Variants in PALLD observed in about 807,000 individuals in gnomAD.
The protein encoded by PALLD is palladin.
In PALLD, 61 loss-of-function variants were observed where a neutral mutation model predicts 123.5. The observed-to-expected ratio is 0.49, with a 90% CI of 0.40 to 0.61. PALLD has a LOEUF of 0.61. Ranked by LOEUF, PALLD falls within the 20% of genes least tolerant of loss-of-function variation. The pLI is 0.00. For missense variants in PALLD, 1,273 were observed against 1,377.0 expected (o/e 0.92, Z 1.20); for synonymous variants, 465 against 496.4 (o/e 0.94, Z 0.84).
rs10700974 is a variant in PALLD, at chr4:168,600,034, C to T, written c.909-68156C>T. On this transcript the variant is annotated intron_variant, in intron 2 of 21. Transcript: ENST00000505667. ...ACATACATGTGTGTACACACACATA[C>T]ATACATGTGTATACACACATATATA... Among the ~76,000 whole-genome samples, 14 of 147,694 alleles carry T rather than the reference C, an allele frequency of 9.5e-5. No homozygotes were observed. In the South Asian group the frequency reaches 2.8e-3, roughly 30 times the overall value.
intron 2 of PALLD, among the ~76,000 whole-genome samples, chr4:168,557,169 G>A (rs1203981085): frequency 2.0e-5 from 3 of 152,020 alleles, no homozygotes; most frequent in South Asian, 2.1e-4. Context: ...TCAGCCTCCC[G>A]AGTAGCTGGG....
intron 2 of PALLD, among the ~76,000 whole-genome samples, chr4:168,552,279 A>T (rs915804439): frequency 1.3e-5 from 2 of 152,138 alleles, no homozygotes; most frequent in Non-Finnish European, 2.9e-5. Flanking sequence ...ACGTGGGGTG[A>T]GGGGAGGGCA....
intron 2 of PALLD, among the ~76,000 whole-genome samples, chr4:168,555,960 T>C (rs1767241114): frequency 6.6e-6 from 1 of 152,228 alleles, no homozygotes; most frequent in South Asian, 2.1e-4. Context: ...TAAATCTTCA[T>C]TTCCTCATTT....
intron 10 of PALLD, among the ~76,000 whole-genome samples, chr4:168,792,097 T>A (rs1459568540): frequency 3.3e-5 from 5 of 152,140 alleles, no homozygotes; most frequent in African/African-American, 1.2e-4. Context: ...AGCTACAATT[T>A]TGTGTAGGAT....
chr4:168,547,840 G>C (rs1032524032), intron 2 of PALLD, among the ~76,000 whole-genome samples: 1 of 151,734 alleles, frequency 6.6e-6, no homozygotes, highest in Non-Finnish European at 1.5e-5. Flanking sequence ...CAGCTACCCA[G>C]GAGGCTGAGG....
rs1369130490 is a variant in PALLD, at chr4:168,844,667, T to C, written c.1965-46255T>C. ...AGTTGTGCAACAGGAGATTGGACTC[T>C]GGCATCCCACAGCGTATCTTCCCTG... On this transcript the variant is annotated intron_variant, in intron 10 of 21. Coordinates refer to ENST00000505667, the MANE Select transcript of PALLD (RefSeq NM_001166108.2). This position sits in a 1 kb window ranked among gnomAD's most constrained non-coding sequence, Gnocchi z 4.5. 2 of 152,226 alleles carry C rather than the reference T, an allele frequency of 1.3e-5. No homozygotes were observed. The highest frequency in any genetic ancestry group is 2.9e-5 in the Non-Finnish European group (2 of 68,030). The allele number at this position is 152,226 out of a possible 1,614,324, so 9.4% of individuals were successfully genotyped here.
In PALLD at chr4:168,925,055, G is replaced by A. The variant is rs754236496; in HGVS notation, c.3335G>A (p.Cys1112Tyr). The A allele has an allele frequency of 2.5e-6, 4 of 1,614,054 alleles. No individual in the cohort carries two copies. The South Asian group carries it at 3.3e-5, about 13-fold the overall frequency. The change falls in exon 20 of 22, where the codon TGT becomes TAT. Residue 1112 changes from cysteine (C) to tyrosine (Y), a missense_variant. Transcript: ENST00000505667. ...AAGAATGAAGCAGGGATTGTGTCCT[G>A]TACTGCCAGGCTGGACGTTTACAGT... ...SAKNEAGIVS[C>Y]TARLDVYISR... is the part of the protein sequence containing the mutation.
At chr4:168,864,826 T>C (rs1413266222) in intron 10 of PALLD, among the ~76,000 whole-genome samples, 1 of 152,264 alleles carries the variant, frequency 6.6e-6, no homozygotes, top group Admixed American at 6.5e-5. Flanking sequence ...TGCAGCATTT[T>C]TATTGTATTG....
At chr4:168,574,700 G>C (rs948573974) in intron 2 of PALLD, among the ~76,000 whole-genome samples, 2 of 152,008 alleles carry the variant, frequency 1.3e-5, no homozygotes, top group Non-Finnish European at 2.9e-5. Flanking sequence ...TATAAGAGTG[G>C]AGAAAAGAAA....
At chr4:168,594,671 C>T (rs931912875) in intron 2 of PALLD, among the ~76,000 whole-genome samples, 2 of 152,112 alleles carry the variant, frequency 1.3e-5, no homozygotes, top group Non-Finnish European at 2.9e-5. Flanking sequence ...TTCAGTAAGT[C>T]ATCTCAAAGA....
At chr4:168,532,229 G>A (rs570775559) in intron 2 of PALLD, among the ~76,000 whole-genome samples, 1 of 152,190 alleles carries the variant, frequency 6.6e-6, no homozygotes, top group Non-Finnish European at 1.5e-5. Context: ...ACAGCCTCCA[G>A]CTCCATGCAC....
intron 10 of PALLD, among the ~76,000 whole-genome samples, chr4:168,874,046 T>G (rs1240232316): frequency 3.9e-5 from 6 of 152,188 alleles, no homozygotes; most frequent in Non-Finnish European, 7.3e-5. Flanking sequence ...ATTGTTCTTG[T>G]TTTAAAAGTT....
chr4:168,790,123 T>C (rs901720158), intron 10 of PALLD, among the ~76,000 whole-genome samples: 3 of 151,512 alleles, frequency 2.0e-5, no homozygotes, highest in African/African-American at 4.9e-5. Flanking sequence ...TGTCTCCAAA[T>C]CCTACTTCTG....
intron 10 of PALLD, among the ~76,000 whole-genome samples, chr4:168,750,775 A>G (rs1184772450): frequency 6.6e-6 from 1 of 152,138 alleles, no homozygotes; most frequent in Non-Finnish European, 1.5e-5. Flanking sequence ...GTTATGCCTT[A>G]AGGCCCTTCT....
intron 10 of PALLD, among the ~76,000 whole-genome samples, chr4:168,724,647 A>C (rs1004527756): frequency 6.6e-6 from 1 of 152,214 alleles, no homozygotes; most frequent in Non-Finnish European, 1.5e-5. Flanking sequence ...TTTTTCTAAA[A>C]TAAGTTGGCT....
intron 2 of PALLD, among the ~76,000 whole-genome samples, chr4:168,667,765 T>C (rs1779796233): frequency 6.6e-6 from 1 of 151,754 alleles, no homozygotes. Context: ...TTTTTTAACA[T>C]GATGATAAGT....
intron 10 of PALLD, among the ~76,000 whole-genome samples, chr4:168,835,146 T>C (rs1744953864): frequency 6.6e-6 from 1 of 152,232 alleles, no homozygotes; most frequent in South Asian, 2.1e-4. Flanking sequence ...ACATTTTCTT[T>C]TGTGTATATT....
At chr4:168,593,783 T>C (rs1195347076) in intron 2 of PALLD, among the ~76,000 whole-genome samples, 1 of 152,196 alleles carries the variant, frequency 6.6e-6, no homozygotes, top group Admixed American at 6.5e-5. Context: ...AAAAATCCCA[T>C]GTAAGTCCCA....
chr4:168,803,875 A>G (rs2331447), intron 10 of PALLD, among the ~76,000 whole-genome samples: 141,944 of 152,218 alleles, frequency 0.93, 66,284 homozygotes, highest in African/African-American at 0.98. Context: ...TGTTGTCAGC[A>G]GAAGCTAATT....
Sources: allele counts gnomAD v4.1 joint callset (sites outside exome capture counted in the v4.1 genomes callset), GRCh38; gene constraint gnomAD v4.1.1; non-coding constraint Gnocchi (gnomAD v3.1); transcripts MANE v1.5; gene names NCBI Gene and HGNC (gene_info 2026-07-23, HGNC 2026-07-21).